FBXL2: variants seen among roughly 807,000 people sequenced by gnomAD.
FBXL2 encodes the protein F-box/LRR-repeat protein 2.
A neutral mutation model predicts 69.2 loss-of-function variants in FBXL2; 38 were observed. The ratio of observed to expected loss-of-function variants is 0.55; its 90% CI spans 0.42 to 0.72. The LOEUF (loss-of-function observed/expected upper bound fraction) is 0.72, where lower values mean the gene tolerates loss of function less well. Among genes scored for constraint, FBXL2 ranks in the 30% least tolerant of loss-of-function variants. FBXL2 has a pLI of 0.00. For missense variants in FBXL2, 354 were observed against 520.3 expected (o/e 0.68, Z 3.11); for synonymous variants, 192 against 201.3 (o/e 0.95, Z 0.39).
intron 2 of FBXL2, among the ~76,000 whole-genome samples, chr3:33,308,995 T>G (rs937071511): frequency 1.3e-5 from 2 of 152,234 alleles, no homozygotes; most frequent in Non-Finnish European, 2.9e-5. Flanking sequence ...TGGCCTAACA[T>G]ATGATCTATC....
chr3:33,403,009 G>C (rs1259842270), intron 12 of FBXL2: 1 of 1,016,206 alleles, frequency 9.8e-7, no homozygotes, highest in Non-Finnish European at 1.5e-6. Context: ...TAAAATGCGA[G>C]ACAGCTGACA....
intron 2 of FBXL2, among the ~76,000 whole-genome samples, chr3:33,308,492 TC>T (rs1038391966): frequency 2.6e-5 from 4 of 152,176 alleles, no homozygotes; most frequent in African/African-American, 9.7e-5. Flanking sequence ...TCTATCTTCT[TC>T]CATCCACACT....
At chr3:33,392,668 T>TA, downstream of FBXL2, 2 of 1,497,736 alleles carry the variant, frequency 1.3e-6, no homozygotes, top group Non-Finnish European at 1.8e-6. Context: ...TGTCGTTTCT[T>TA]AAAATGATTT....
chr3:33,313,332 G>T (rs569304059), intron 2 of FBXL2, among the ~76,000 whole-genome samples: 22 of 151,644 alleles, frequency 1.5e-4, no homozygotes, highest in African/African-American at 5.3e-4. Context: ...TTGAATTGGT[G>T]GTTACATAAC....
intron 2 of FBXL2, among the ~76,000 whole-genome samples, chr3:33,352,959 A>G (rs2040932764): frequency 6.6e-6 from 1 of 152,202 alleles, no homozygotes; most frequent in Non-Finnish European, 1.5e-5. Flanking sequence ...AAATAACTCA[A>G]TTTTTTAAAT....
chr3:33,343,516 A>G (rs1575272702), intron 2 of FBXL2, among the ~76,000 whole-genome samples: 1 of 152,260 alleles, frequency 6.6e-6, no homozygotes, highest in East Asian at 1.9e-4. Flanking sequence ...CTTAATTATA[A>G]CAACATAATG....
chr3:33,284,410 G>C (rs1036610217), intron 1 of FBXL2, among the ~76,000 whole-genome samples: 1 of 152,222 alleles, frequency 6.6e-6, no homozygotes, highest in African/African-American at 2.4e-5. Context: ...TGGTCTGAGA[G>C]ACAGTTTGTT....
chr3:33,413,274 C>T, the FBXL2 span, among the ~76,000 whole-genome samples: 5 of 152,074 alleles, frequency 3.3e-5, no homozygotes, highest in Non-Finnish European at 7.4e-5. Flanking sequence ...TGGCTGGGTG[C>T]GGTGGCTCAC....
intron 2 of FBXL2, among the ~76,000 whole-genome samples, chr3:33,318,007 G>T (rs902534703): frequency 6.6e-6 from 1 of 152,086 alleles, no homozygotes; most frequent in Non-Finnish European, 1.5e-5. Context: ...CATGTTTTGG[G>T]CCAGGTTTCT....
rs759275446 is a variant in FBXL2, at chr3:33,297,821, A to G, written c.65+96A>G. ...TTCTCACTGTGAGTCCATAGCATAG[A>G]AAAACAGACAGAATTAGCCTAACTG... On this transcript the variant is annotated intron_variant, in intron 2 of 14. Transcript: ENST00000484457. 14 of 779,850 alleles carry G rather than the reference A, an allele frequency of 1.8e-5. No homozygotes were observed. The Admixed American group carries it at 2.7e-4, about 15-fold the overall frequency. 48.3% of individuals were successfully genotyped at this position (779,850 alleles called of 1,614,324 possible).
At chr3:33,309,648 G>C (rs1431579320) in intron 2 of FBXL2, among the ~76,000 whole-genome samples, 1 of 152,070 alleles carries the variant, frequency 6.6e-6, no homozygotes, top group Non-Finnish European at 1.5e-5. Flanking sequence ...CTGCCCCTTT[G>C]TTAATTATTG....
At chr3:33,296,461 C>T (rs1372495617) in intron 1 of FBXL2, among the ~76,000 whole-genome samples, 1 of 152,132 alleles carries the variant, frequency 6.6e-6, no homozygotes, top group Non-Finnish European at 1.5e-5. Flanking sequence ...AATCCAAGGC[C>T]ACCAAGATTT....
intron 11 of FBXL2, among the ~76,000 whole-genome samples, chr3:33,377,618 A>G (rs1189518224): frequency 6.6e-6 from 1 of 152,144 alleles, no homozygotes; most frequent in African/African-American, 2.4e-5. Context: ...TTGGCCTCTC[A>G]GCAGCTCCCC....
At chr3:33,411,303 G>A in the FBXL2 span, among the ~76,000 whole-genome samples, 1 of 152,088 alleles carries the variant, frequency 6.6e-6, no homozygotes, top group Non-Finnish European at 1.5e-5. Context: ...GTGTTCAAGA[G>A]AAATACATCT....
downstream of FBXL2, among the ~76,000 whole-genome samples, chr3:33,406,509 T>A (rs144048711): frequency 7.2e-4 from 109 of 152,288 alleles, no homozygotes; most frequent in Non-Finnish European, 1.1e-3. Context: ...AAGTATCAAG[T>A]CTCTCTAAAC....
chr3:33,400,144 A>T (rs1390976325), intron 12 of FBXL2: 1 of 1,286,776 alleles, frequency 7.8e-7, no homozygotes. Flanking sequence ...ACAGAAACAA[A>T]AACAAAACAT....
intron 1 of FBXL2, among the ~76,000 whole-genome samples, chr3:33,290,654 A>G (rs2035131405): frequency 6.6e-6 from 1 of 152,238 alleles, no homozygotes; most frequent in South Asian, 2.1e-4. Flanking sequence ...AGAAAGCACC[A>G]GTAAACTTAG....
Position 33,293,586 on chromosome 3 carries a change from A to T in FBXL2, c.4-4078A>T, listed in dbSNP as rs182100788. 9.2e-5 allele frequency among the ~76,000 whole-genome samples: 14 copies of T among 152,278 alleles called. No homozygotes were observed. The East Asian group carries it at 1.9e-3, about 21-fold the overall frequency. ...CTACAGGAGCATTGAAGATGGGGGA[A>T]TCACTGCTTCAACAGCAAGACATTC... On this transcript the variant is annotated intron_variant, in intron 1 of 14. Coordinates refer to ENST00000484457, the MANE Select transcript of FBXL2 (RefSeq NM_012157.5).
intron 2 of FBXL2, among the ~76,000 whole-genome samples, chr3:33,341,943 A>G (rs937500437): frequency 1.3e-5 from 2 of 149,488 alleles, no homozygotes; most frequent in African/African-American, 4.9e-5. Context: ...TGTTTGCCTT[A>G]TAAGTCATTG....
Sources: gnomAD v4.1 joint callset for allele counts (sites outside exome capture counted in the v4.1 genomes callset) on GRCh38, gnomAD v4.1.1 for gene constraint, MANE v1.5 for transcripts, NCBI Gene and HGNC (gene_info 2026-07-23, HGNC 2026-07-21) for gene names.